FADS2: variants seen among roughly 807,000 people sequenced by gnomAD.
The protein encoded by FADS2 is fatty acid desaturase 2, also known as acyl-CoA 6-desaturase.
Under a neutral mutation model 61.2 loss-of-function variants are expected in FADS2, and 18 were observed. The observed-to-expected ratio is 0.29, with a 90% CI of 0.20 to 0.44. The LOEUF (loss-of-function observed/expected upper bound fraction) is 0.44. FADS2 is among the 20% of genes least tolerant of loss of function. The probability of loss-of-function intolerance (pLI) is 1.00; values close to 1 mark genes in which losing one functional copy is unlikely to be tolerated. For synonymous variants in FADS2, 203 were observed against 223.9 expected, an observed-to-expected ratio of 0.91 and a Z score of 0.83; for missense variants, 322 against 572.7, an observed-to-expected ratio of 0.56 and a Z score of 4.47.
chr11:61,865,847 C>T lies in FADS2; in HGVS notation c.*158C>T. ...TCTCCCTTTCTCCTCTCCTTTTTCT[C>T]TTCACATCTCCCCCATAGCACCCTG... On this transcript the variant is annotated 3_prime_UTR_variant, in exon 12 of 12. Coordinates refer to ENST00000278840, the MANE Select transcript of FADS2 (RefSeq NM_004265.4). This position sits in a 1 kb window ranked among gnomAD's most constrained non-coding sequence, Gnocchi z 4.1. 1.5e-6 allele frequency: 1 copy of T among 648,098 alleles called. No homozygotes were observed. Among genetic ancestry groups the T allele is most frequent in the Non-Finnish European group, 2.7e-6 (1 of 365,700 alleles). The allele number at this position is 648,098 out of a possible 1,614,324, so 40.1% of individuals were successfully genotyped here. A position where few individuals can be genotyped will look rare whatever the true frequency, so the allele number is the denominator to read the frequency against.
chr11:61,852,929 C>T (rs1286857215), intron 5 of FADS2, among the ~76,000 whole-genome samples: 5 of 151,992 alleles, frequency 3.3e-5, no homozygotes, highest in East Asian at 1.9e-4. Context: ...CCGAGGCTGG[C>T]GGATCACGAG....
upstream of FADS2, among the ~76,000 whole-genome samples, chr11:61,823,923 T>A (rs956404881): frequency 1.3e-5 from 2 of 152,234 alleles, no homozygotes; most frequent in Non-Finnish European, 2.9e-5. Flanking sequence ...ATTCATTTTT[T>A]AAAAATAGTT....
At chr11:61,816,255 C>G (rs747691584), upstream of FADS2, 27 of 1,597,664 alleles carry the variant, frequency 1.7e-5, no homozygotes, top group East Asian at 5.8e-4. The surrounding 1 kb of genome is among the most constrained non-coding windows in gnomAD (Gnocchi z 7.0). Flanking sequence ...TGTCCCCGCC[C>G]AGAGACCTGA....
At chr11:61,852,112 C>T (rs1043317000) in intron 5 of FADS2, among the ~76,000 whole-genome samples, 2 of 152,160 alleles carry the variant, frequency 1.3e-5, no homozygotes, top group East Asian at 1.9e-4. Flanking sequence ...CTCCTGAGCC[C>T]GGGCTTGGCC....
chr11:61,852,405 C>A (rs1248042975), intron 5 of FADS2, among the ~76,000 whole-genome samples: 1 of 152,084 alleles, frequency 6.6e-6, no homozygotes, highest in African/African-American at 2.4e-5. Flanking sequence ...GGACTACAGG[C>A]ACCCGCCACC....
At chr11:61,858,173 A>T (rs1189872095) in intron 7 of FADS2, among the ~76,000 whole-genome samples, 3 of 152,018 alleles carry the variant, frequency 2.0e-5, no homozygotes, top group African/African-American at 7.2e-5. Flanking sequence ...ATCCCTCTTT[A>T]AAAAAATTAT....
Position 61,865,196 on chromosome 11 carries a change from C to T in FADS2, c.1202C>T (p.Pro401Leu), listed in dbSNP as rs1565338575. 8 of 1,613,762 alleles carry T rather than the reference C, an allele frequency of 5.0e-6. No individual in the cohort carries two copies. The highest frequency in any genetic ancestry group is 4.2e-6 in the Non-Finnish European group (5 of 1,180,012). The change falls in exon 11 of 12, where the codon CCG (proline) becomes CTG (leucine). Residue 401 changes from proline to leucine, a missense_variant. Pro to Leu is a moderately conservative substitution (Grantham distance 98). Coordinates refer to ENST00000278840, the MANE Select transcript of FADS2 (RefSeq NM_004265.4). This position sits in a 1 kb window ranked among gnomAD's most constrained non-coding sequence, Gnocchi z 4.1. ...MPRHNLHKIA[P>L]LVKSLCAKHG... ...CGGCACAACTTACACAAGATCGCCC[C>T]GCTGGTGAAGTCTCTATGTGCCAAG...
At chr11:61,827,637 C>G (rs1045772983), upstream of FADS2, 2 of 152,246 alleles carry the variant, frequency 1.3e-5, no homozygotes, top group African/African-American at 4.8e-5. The surrounding 1 kb of genome is among the most constrained non-coding windows in gnomAD (Gnocchi z 4.5). Flanking sequence ...CCCCGCAGCC[C>G]GCCGGTCCAC....
chr11:61,832,052 G>A (rs2067135552), intron 1 of FADS2, among the ~76,000 whole-genome samples: 1 of 152,202 alleles, frequency 6.6e-6, no homozygotes, highest in African/African-American at 2.4e-5. Context: ...ACCTGAAGCT[G>A]TGGGATGTGC....
upstream of FADS2, chr11:61,828,119 G>A: frequency 1.5e-6 from 2 of 1,357,412 alleles, no homozygotes; most frequent in Non-Finnish European, 1.9e-6. The surrounding 1 kb of genome is among the most constrained non-coding windows in gnomAD (Gnocchi z 6.4). Context: ...GGAGGCAAAA[G>A]TCCATAGCGG....
intron 1 of FADS2, among the ~76,000 whole-genome samples, chr11:61,835,922 T>A (rs2067170569): frequency 6.6e-6 from 1 of 152,188 alleles, no homozygotes; most frequent in Non-Finnish European, 1.5e-5. Context: ...TGCTCTAACA[T>A]CATCACAGTA....
At chr11:61,861,744 C>T (rs1231088675) in intron 7 of FADS2, among the ~76,000 whole-genome samples, 5 of 152,202 alleles carry the variant, frequency 3.3e-5, no homozygotes, top group South Asian at 4.1e-4. Context: ...TGCTGGCACC[C>T]GACCCCTGAT....
rs145771202 is a variant in FADS2, at chr11:61,863,592, C to T, written c.1078-115C>T. ...GGTGGGCTGAGGCCATCAGGCAGGA[C>T]GGTATGATGTGGACGGGTGGCCTGG... is the stretch of plus-strand genomic sequence containing the variant. On this transcript the variant is annotated intron_variant, in intron 9 of 11. Transcript: ENST00000278840. The T allele has an allele frequency of 7.1e-4, 633 of 886,674 alleles. 4 individuals are homozygous for T. In the East Asian group the frequency reaches 0.015, roughly 21 times the overall value. 54.9% of individuals were successfully genotyped at this position (886,674 alleles called of 1,614,324 possible). A position where few individuals can be genotyped will look rare whatever the true frequency, so the allele number is the denominator to read the frequency against.
chr11:61,833,748 G>A (rs1192705523), intron 1 of FADS2, among the ~76,000 whole-genome samples: 1 of 152,234 alleles, frequency 6.6e-6, no homozygotes, highest in African/African-American at 2.4e-5. Flanking sequence ...GCCGGAGAAG[G>A]CTTTTGGTGT....
chr11:61,816,328 T>C lies in FADS2; in HGVS notation c.43T>C (p.Leu15=). The change falls in exon 1 of 12, where the codon TTG becomes CTG. Residue 15 remains leucine (L), a synonymous_variant. Coordinates refer to the FADS2 transcript ENST00000257261. The surrounding 1 kb of genome is among the most constrained non-coding windows in gnomAD (Gnocchi z 7.0). ...GGGACCCTTTGTTTGTGTGTGCGTG[T>C]TGTTGGCCTCCATCCCCACTCCCCA... 1 of 1,598,358 alleles carries C rather than the reference T, an allele frequency of 6.3e-7. No individual in the cohort carries two copies. Among genetic ancestry groups the C allele is most frequent in the Non-Finnish European group, 8.5e-7 (1 of 1,179,778 alleles).
At chr11:61,837,713 C>A in intron 1 of FADS2, 65 bp from the exon 2 acceptor site, 1 of 1,152,082 alleles carries the variant, frequency 8.7e-7, no homozygotes, top group Non-Finnish European at 1.3e-6. Flanking sequence ...GAGCACTGTC[C>A]TCCTTGGGGC....
chr11:61,834,465 C>A (rs899118541), intron 1 of FADS2, among the ~76,000 whole-genome samples: 1 of 152,152 alleles, frequency 6.6e-6, no homozygotes, highest in Non-Finnish European at 1.5e-5. Context: ...CCCTGCCTGG[C>A]GCATGCCCAT....
chr11:61,836,151 G>A (rs573386176), intron 1 of FADS2, among the ~76,000 whole-genome samples: 1 of 152,322 alleles, frequency 6.6e-6, no homozygotes, highest in East Asian at 1.9e-4. Flanking sequence ...AGGCTGGAGT[G>A]CAGTGGTGCA....
At chr11:61,819,515 C>T (rs892928593) in intron 1 of FADS2, among the ~76,000 whole-genome samples, 2 of 152,116 alleles carry the variant, frequency 1.3e-5, no homozygotes, top group Admixed American at 1.3e-4. Flanking sequence ...CACTGCACTC[C>T]AGCCTGGGCA....
Sources: gnomAD v4.1 joint callset for allele counts (sites outside exome capture counted in the v4.1 genomes callset) on GRCh38, gnomAD v4.1.1 for gene constraint, Gnocchi (gnomAD v3.1) non-coding constraint, MANE v1.5 for transcripts, NCBI Gene and HGNC (gene_info 2026-07-23, HGNC 2026-07-21) for gene names.